Variants in CLSTN2 observed in about 807,000 individuals in gnomAD.
CLSTN2 encodes calsyntenin-2.
A neutral mutation model predicts 101.2 loss-of-function variants in CLSTN2; 48 were observed. That is an observed-to-expected ratio of 0.47 (90% CI 0.38 to 0.60). CLSTN2 has a LOEUF of 0.60. Among genes scored for constraint, CLSTN2 ranks in the 20% least tolerant of loss-of-function variants. The pLI, the probability that CLSTN2 is intolerant of heterozygous loss-of-function variation, is 0.00. For synonymous variants in CLSTN2, 481 were observed against 463.6 expected (o/e 1.04, Z -0.48); for missense variants, 1,160 against 1,238.2 (o/e 0.94, Z 0.95).
chr3:140,090,274 C>G (rs2008755618), intron 1 of CLSTN2, among the ~76,000 whole-genome samples: 1 of 151,788 alleles, frequency 6.6e-6, no homozygotes. Flanking sequence ...TATGGTCATG[C>G]TGACCTTAGC....
intron 1 of CLSTN2, among the ~76,000 whole-genome samples, chr3:139,998,994 G>T (rs1355164380): frequency 6.6e-6 from 1 of 150,586 alleles, no homozygotes; most frequent in Non-Finnish European, 1.5e-5. Context: ...CGGACCTTGT[G>T]TTTTTTTTTT....
chr3:140,138,221 G>A (rs2009644076), intron 1 of CLSTN2, among the ~76,000 whole-genome samples: 1 of 152,174 alleles, frequency 6.6e-6, no homozygotes. Flanking sequence ...TTCTCCTGTG[G>A]CTCATGTGCT....
intron 1 of CLSTN2, among the ~76,000 whole-genome samples, chr3:139,972,761 C>T (rs912294696): frequency 6.6e-6 from 1 of 152,168 alleles, no homozygotes; most frequent in Non-Finnish European, 1.5e-5. Flanking sequence ...GAGGTACCTC[C>T]TGCTGCCTTC....
At chr3:140,376,545 A>T (rs1474533380) in intron 2 of CLSTN2, among the ~76,000 whole-genome samples, 21 of 152,258 alleles carry the variant, frequency 1.4e-4, no homozygotes, top group Admixed American at 1.4e-3. Context: ...AATGGCCAGA[A>T]TTCTAAGTCT....
intron 1 of CLSTN2, among the ~76,000 whole-genome samples, chr3:140,128,851 A>C (rs905529280): frequency 6.6e-6 from 1 of 152,146 alleles, no homozygotes; most frequent in African/African-American, 2.4e-5. Context: ...TGGAGAGGCC[A>C]GTGGGTGCTG....
chr3:140,552,392 A>G (rs1236734369), intron 10 of CLSTN2, among the ~76,000 whole-genome samples: 1 of 110,844 alleles, frequency 9.0e-6, no homozygotes, highest in African/African-American at 3.2e-5. Flanking sequence ...AGCTGGGAAT[A>G]CCGCAGTTTA....
At chr3:140,424,879 A>G (rs2088547178) in intron 5 of CLSTN2, among the ~76,000 whole-genome samples, 1 of 151,622 alleles carries the variant, frequency 6.6e-6, no homozygotes, top group African/African-American at 2.4e-5. Context: ...GGCCTGTGGT[A>G]GGGGAGGGTG....
At chr3:140,262,670 A>C (rs370183497) in intron 2 of CLSTN2, among the ~76,000 whole-genome samples, 1 of 152,152 alleles carries the variant, frequency 6.6e-6, no homozygotes, top group African/African-American at 2.4e-5. Context: ...TGGTATCTAC[A>C]TTATGAAGGT....
At chr3:140,444,026 T>C (rs1459158837) in intron 5 of CLSTN2, among the ~76,000 whole-genome samples, 6 of 152,220 alleles carry the variant, frequency 3.9e-5, no homozygotes, top group Admixed American at 6.5e-5. Context: ...TCTTGATCTT[T>C]TGCCAACATT....
chr3:140,340,662 A>G (rs558999370), intron 2 of CLSTN2, among the ~76,000 whole-genome samples: 77 of 152,360 alleles, frequency 5.1e-4, no homozygotes, highest in African/African-American at 1.7e-3. Flanking sequence ...TACATTCGAT[A>G]TAATTAATGA....
chr3:140,253,744 G>A (rs921076879), intron 2 of CLSTN2, among the ~76,000 whole-genome samples: 1 of 152,132 alleles, frequency 6.6e-6, no homozygotes, highest in Admixed American at 6.6e-5. Flanking sequence ...CAGGAGACAG[G>A]AACCCACCAA....
chr3:140,091,597 T>G (rs1165706600), intron 1 of CLSTN2, among the ~76,000 whole-genome samples: 1 of 152,214 alleles, frequency 6.6e-6, no homozygotes, highest in African/African-American at 2.4e-5. Context: ...GAAATCATTT[T>G]TTGAAATTAC....
chr3:140,193,912 G>A lies in CLSTN2; in HGVS notation c.232+17839G>A, dbSNP rs181586113. Among the ~76,000 whole-genome samples the A allele has an allele frequency of 2.4e-3, 362 of 152,142 alleles. 1 individual carries two copies. Among genetic ancestry groups the A allele is most frequent in the African/African-American group, 8.4e-3 (349 of 41,518 alleles). ...ATTCTTTCCTCCATTCTGCTGATGA[G>A]CCCATGCACTGAGGTTTCTACTTAG... is the stretch of plus-strand genomic sequence containing the variant. On this transcript the variant is annotated intron_variant, in intron 2 of 16. Coordinates refer to ENST00000458420, the MANE Select transcript of CLSTN2 (RefSeq NM_022131.3).
At chr3:139,980,605 T>A (rs1935897592) in intron 1 of CLSTN2, among the ~76,000 whole-genome samples, 1 of 150,344 alleles carries the variant, frequency 6.7e-6, no homozygotes, top group South Asian at 2.1e-4. Context: ...TGCTTTACAT[T>A]TCTTCATAGT....
chr3:140,343,022 G>T (rs1224662031), intron 2 of CLSTN2, among the ~76,000 whole-genome samples: 2 of 152,298 alleles, frequency 1.3e-5, no homozygotes, highest in Middle Eastern at 3.4e-3. Flanking sequence ...CAGACGGGAG[G>T]AGTAGTCAAA....
At chr3:140,270,183 C>T (rs752499563) in intron 2 of CLSTN2, among the ~76,000 whole-genome samples, 10 of 152,164 alleles carry the variant, frequency 6.6e-5, no homozygotes, top group Non-Finnish European at 1.2e-4. Context: ...TGTCCACTAA[C>T]GGCTCCTCAT....
intron 8 of CLSTN2, among the ~76,000 whole-genome samples, chr3:140,478,870 AGGAGGAAGGAAG>A (rs1934050539): frequency 3.8e-5 from 3 of 78,670 alleles, no homozygotes; most frequent in South Asian, 6.8e-4. Flanking sequence ...GGAAGGGGGA[AGGAGGAAGGAAG>A]GAAGGAAGGA....
intron 1 of CLSTN2, among the ~76,000 whole-genome samples, chr3:139,977,485 G>A (rs187006391): frequency 2.5e-3 from 358 of 143,142 alleles, no homozygotes; most frequent in African/African-American, 8.6e-3. Context: ...GTAAAATAAG[G>A]GCATTAGCCA....
rs764954133 is a variant in CLSTN2 at position 140,364,115 on chromosome 3, A to G, written c.233-39514A>G. Among the ~76,000 whole-genome samples the G allele has an allele frequency of 7.9e-4, 121 of 152,232 alleles. 1 individual carries two copies. The highest frequency in any genetic ancestry group is 1.2e-3 in the Non-Finnish European group (85 of 68,008). The stretch of plus-strand genomic sequence containing the variant: ...CTAGACCTCAAGGAGCACTTTTTTA[A>G]TGAGTCCTCCATCTTATCCACCCGC... On this transcript the variant is annotated intron_variant, in intron 2 of 16. Transcript: ENST00000458420.
Sources: gnomAD v4.1 joint callset for allele counts (sites outside exome capture counted in the v4.1 genomes callset) on GRCh38, gnomAD v4.1.1 for gene constraint, MANE v1.5 for transcripts, NCBI Gene and HGNC (gene_info 2026-07-23, HGNC 2026-07-21) for gene names.